Variants in PPM1H observed in about 807,000 individuals in gnomAD.
PPM1H encodes the protein protein phosphatase 1H.
In PPM1H, 27 loss-of-function variants were observed where a neutral mutation model predicts 54.9. The observed-to-expected ratio is 0.49, with a 90% CI of 0.36 to 0.68. PPM1H has a LOEUF of 0.68. PPM1H is among the 30% of genes least tolerant of loss of function. The pLI is 0.00. For synonymous variants in PPM1H, 305 were observed against 270.8 expected (o/e 1.13, Z -1.24); for missense variants, 596 against 667.8 (o/e 0.89, Z 1.19).
intron 2 of PPM1H, among the ~76,000 whole-genome samples, chr12:62,809,122 G>C (rs2076821670): frequency 6.6e-6 from 1 of 152,160 alleles, no homozygotes. Flanking sequence ...TGCGATCCTG[G>C]CTCACCGCAG....
At chr12:62,765,414 C>T (rs1326639792) in intron 4 of PPM1H, among the ~76,000 whole-genome samples, 1 of 152,174 alleles carries the variant, frequency 6.6e-6, no homozygotes, top group Non-Finnish European at 1.5e-5. Flanking sequence ...TAATGATGTC[C>T]TCCCTGGACT....
chr12:62,724,290 C>T (rs1427900738), intron 5 of PPM1H, among the ~76,000 whole-genome samples: 1 of 152,172 alleles, frequency 6.6e-6, no homozygotes, highest in Admixed American at 6.5e-5. Context: ...ATAGGGGCAT[C>T]AGCCATGAAT....
At chr12:62,782,868 C>G (rs2076649991) in intron 4 of PPM1H, among the ~76,000 whole-genome samples, 1 of 152,148 alleles carries the variant, frequency 6.6e-6, no homozygotes, top group Non-Finnish European at 1.5e-5. Context: ...TACTCTGACA[C>G]CCAGGCTGGA....
chr12:62,760,725 C>T (rs2076503723), intron 4 of PPM1H, among the ~76,000 whole-genome samples: 1 of 152,236 alleles, frequency 6.6e-6, no homozygotes, highest in Non-Finnish European at 1.5e-5. Context: ...CTCTGTCCTA[C>T]AATTTAACCT....
At chr12:62,899,857 T>C (rs1871104477) in intron 1 of PPM1H, among the ~76,000 whole-genome samples, 1 of 152,202 alleles carries the variant, frequency 6.6e-6, no homozygotes, top group Admixed American at 6.5e-5. Flanking sequence ...ATTGATATGT[T>C]GAAATCCTAA....
intron 1 of PPM1H, among the ~76,000 whole-genome samples, chr12:62,912,789 A>T (rs1198968641): frequency 1.3e-5 from 2 of 152,232 alleles, no homozygotes; most frequent in East Asian, 3.9e-4. Flanking sequence ...TTTTATTAAC[A>T]GACTGACGTA....
intron 4 of PPM1H, among the ~76,000 whole-genome samples, chr12:62,766,792 A>G (rs1319429247): frequency 6.6e-6 from 1 of 152,254 alleles, no homozygotes; most frequent in African/African-American, 2.4e-5. Context: ...ACCATTGTGC[A>G]GGGCCACAAG....
chr12:62,686,479 G>A (rs932357436), intron 8 of PPM1H, among the ~76,000 whole-genome samples: 2 of 152,128 alleles, frequency 1.3e-5, no homozygotes, highest in African/African-American at 2.4e-5. Context: ...AAAAGTCCAC[G>A]AGTCCAGTTA....
chr12:62,825,624 A>G (rs1868281772), intron 2 of PPM1H, among the ~76,000 whole-genome samples: 1 of 152,164 alleles, frequency 6.6e-6, no homozygotes, highest in South Asian at 2.1e-4. Flanking sequence ...TGAGCAAACT[A>G]TCACAAGGAC....
chr12:62,907,112 T>C (rs927349280), intron 1 of PPM1H, among the ~76,000 whole-genome samples: 3 of 152,240 alleles, frequency 2.0e-5, no homozygotes, highest in Non-Finnish European at 4.4e-5. Flanking sequence ...GCAAATTTAA[T>C]GTTTTTCTTT....
At chr12:62,742,472 G>A (rs2076387268) in intron 4 of PPM1H, among the ~76,000 whole-genome samples, 1 of 152,170 alleles carries the variant, frequency 6.6e-6, no homozygotes, top group African/African-American at 2.4e-5. Context: ...GCAATGAGAC[G>A]AAAGGGGTTT....
intron 9 of PPM1H, among the ~76,000 whole-genome samples, chr12:62,660,718 A>G (rs1390498006): frequency 6.6e-6 from 1 of 152,242 alleles, no homozygotes; most frequent in African/African-American, 2.4e-5. Context: ...ACTTAAATAT[A>G]AGACCTGAAA....
intron 2 of PPM1H, among the ~76,000 whole-genome samples, chr12:62,814,669 A>T (rs1016994260): frequency 2.0e-5 from 3 of 152,198 alleles, no homozygotes; most frequent in Admixed American, 6.5e-5. Context: ...TCAGGTATTT[A>T]TACAACCGGT....
chr12:62,689,924 T>A (rs1269330302), intron 7 of PPM1H, 118 bp from the exon 8 acceptor site: 1 of 642,422 alleles, frequency 1.6e-6, no homozygotes, highest in Non-Finnish European at 2.7e-6. Flanking sequence ...TGCCCAGATA[T>A]GTTTCCAGGC....
At chr12:62,842,509 C>T (rs1479532691) in intron 1 of PPM1H, among the ~76,000 whole-genome samples, 1 of 152,168 alleles carries the variant, frequency 6.6e-6, no homozygotes, top group Non-Finnish European at 1.5e-5. Flanking sequence ...AAAACATATA[C>T]ATTTTTAATT....
chr12:62,791,879 G>T lies in PPM1H; in HGVS notation c.757-3541C>A, dbSNP rs191528773. ...CCGGAGGTTGCAGTGAGCCAAGATC[G>T]CACCACACCACTGCACTCTAGCCTG... On this transcript the variant is annotated intron_variant, in intron 3 of 9. Coordinates refer to ENST00000228705, the MANE Select transcript of PPM1H (RefSeq NM_020700.2). Among the ~76,000 whole-genome samples, 350 of 152,204 alleles carry T rather than the reference G, an allele frequency of 2.3e-3. 1 individual carries two copies. The highest frequency in any genetic ancestry group is 6.8e-3 in the Middle Eastern group (2 of 294).
intron 1 of PPM1H, among the ~76,000 whole-genome samples, chr12:62,863,569 G>A (rs1190037759): frequency 1.3e-5 from 2 of 152,150 alleles, no homozygotes; most frequent in Admixed American, 6.5e-5. Context: ...AAGCAAATGT[G>A]TAGAGGCAAT....
intron 4 of PPM1H, among the ~76,000 whole-genome samples, chr12:62,787,325 C>A (rs2076678144): frequency 6.6e-6 from 1 of 152,188 alleles, no homozygotes; most frequent in Non-Finnish European, 1.5e-5. Context: ...AGAGTCCTCA[C>A]AGCCCTTCGG....
At chr12:62,870,304 C>A (rs936982978) in intron 1 of PPM1H, among the ~76,000 whole-genome samples, 1 of 152,136 alleles carries the variant, frequency 6.6e-6, no homozygotes, top group African/African-American at 2.4e-5. Flanking sequence ...CAGGGCCTTG[C>A]AGCTCATTTT....
Sources: gnomAD v4.1 joint callset for allele counts (sites outside exome capture counted in the v4.1 genomes callset) on GRCh38, gnomAD v4.1.1 for gene constraint, MANE v1.5 for transcripts, NCBI Gene and HGNC (gene_info 2026-07-23, HGNC 2026-07-21) for gene names.